GPHN: variants seen among roughly 807,000 people sequenced by gnomAD.
GPHN encodes the protein gephyrin.
A neutral mutation model predicts 95.5 loss-of-function variants in GPHN; 17 were observed. The observed-to-expected ratio is 0.18, with a 90% CI of 0.12 to 0.27. GPHN has a LOEUF of 0.27. Ranked by LOEUF, GPHN falls within the 10% of genes least tolerant of loss-of-function variation. GPHN has a pLI of 1.00. For synonymous variants in GPHN, 320 were observed against 322.5 expected, an observed-to-expected ratio of 0.99 and a Z score of 0.08; for missense variants, 660 against 978.1, an observed-to-expected ratio of 0.67 and a Z score of 4.34.
At chr14:66,975,756 G>T (rs1289018049) in intron 9 of GPHN, among the ~76,000 whole-genome samples, 1 of 152,050 alleles carries the variant, frequency 6.6e-6, no homozygotes, top group African/African-American at 2.4e-5. Context: ...ATGGTGGTAA[G>T]TGCCTATAGT....
intron 9 of GPHN, among the ~76,000 whole-genome samples, chr14:66,975,145 G>A (rs1443634359): frequency 1.3e-5 from 2 of 152,028 alleles, no homozygotes; most frequent in South Asian, 2.1e-4. Context: ...ATATTACTTG[G>A]ATTTTTGATA....
intron 10 of GPHN, among the ~76,000 whole-genome samples, chr14:67,056,964 A>G (rs1264146406): frequency 6.6e-6 from 1 of 152,142 alleles, no homozygotes; most frequent in Non-Finnish European, 1.5e-5. Context: ...CCTGGGGGCT[A>G]AGCCCCTCAC....
At chr14:67,493,559 C>T in the GPHN span, among the ~76,000 whole-genome samples, 1 of 152,188 alleles carries the variant, frequency 6.6e-6, no homozygotes, top group African/African-American at 2.4e-5. Flanking sequence ...TGCCTGAGTG[C>T]TGGTTTCACT....
At chr14:66,650,845 T>C (rs1267300468) in intron 1 of GPHN, among the ~76,000 whole-genome samples, 2 of 152,188 alleles carry the variant, frequency 1.3e-5, no homozygotes, top group Non-Finnish European at 2.9e-5. Flanking sequence ...TGACAGCTTT[T>C]TGGTTTCACT....
intron 1 of GPHN, among the ~76,000 whole-genome samples, chr14:66,581,888 T>C (rs753317920): frequency 6.6e-6 from 1 of 152,020 alleles, no homozygotes; most frequent in Non-Finnish European, 1.5e-5. Flanking sequence ...TACCTAAATA[T>C]ATAAAGTAAA....
At chr14:67,710,547 C>T in the GPHN span, among the ~76,000 whole-genome samples, 3 of 152,112 alleles carry the variant, frequency 2.0e-5, no homozygotes, top group Admixed American at 2.0e-4. Flanking sequence ...ATTTACCACA[C>T]AATATTCTTT....
the GPHN span, among the ~76,000 whole-genome samples, chr14:67,545,457 T>A: frequency 6.6e-6 from 1 of 152,138 alleles, no homozygotes; most frequent in African/African-American, 2.4e-5. Context: ...AACAGAGTAT[T>A]CATACCTCAA....
the GPHN span, among the ~76,000 whole-genome samples, chr14:67,261,769 T>G: frequency 9.0e-6 from 1 of 111,386 alleles, no homozygotes; most frequent in Non-Finnish European, 1.6e-5. Flanking sequence ...GTAAACTGAG[T>G]TTTTTTTAGG....
chr14:67,649,855 A>C, the GPHN span: 2 of 152,180 alleles, frequency 1.3e-5, no homozygotes, highest in African/African-American at 4.8e-5. Context: ...GCTTGTTCAG[A>C]TCACCCTTCA....
the GPHN span, among the ~76,000 whole-genome samples, chr14:67,559,443 A>G: frequency 6.6e-6 from 1 of 152,104 alleles, no homozygotes; most frequent in African/African-American, 2.4e-5. Flanking sequence ...GAGTTTTTAA[A>G]TTTTGTGTTA....
At chr14:67,629,444 C>G in the GPHN span, among the ~76,000 whole-genome samples, 33 of 152,312 alleles carry the variant, frequency 2.2e-4, no homozygotes, top group South Asian at 6.6e-3. Flanking sequence ...AGGACAAATA[C>G]AGCATGATTC....
chr14:67,692,847 C>G, the GPHN span: 1 of 1,075,214 alleles, frequency 9.3e-7, no homozygotes, highest in Admixed American at 2.0e-5. Flanking sequence ...AATTCCAAAA[C>G]TGGGAAGAAA....
chr14:66,646,788 T>C (rs1291383959), intron 1 of GPHN, among the ~76,000 whole-genome samples: 1 of 152,156 alleles, frequency 6.6e-6, no homozygotes, highest in Non-Finnish European at 1.5e-5. Context: ...CAAGATGGTG[T>C]TTGGTCACAC....
the GPHN span, among the ~76,000 whole-genome samples, chr14:67,488,107 C>T: frequency 7.9e-5 from 12 of 152,362 alleles, no homozygotes; most frequent in East Asian, 2.1e-3. Context: ...ACAGCCCAGC[C>T]ACTCAGAAGC....
the GPHN span, among the ~76,000 whole-genome samples, chr14:67,228,044 C>T: frequency 6.6e-6 from 1 of 151,766 alleles, no homozygotes; most frequent in African/African-American, 2.4e-5. Flanking sequence ...GTGGTGGGCA[C>T]CTGTAATCCT....
At chr14:66,525,239 AT>A (rs1448259452) in intron 1 of GPHN, among the ~76,000 whole-genome samples, 1 of 152,204 alleles carries the variant, frequency 6.6e-6, no homozygotes, top group Non-Finnish European at 1.5e-5. Flanking sequence ...CATTTCTGTA[AT>A]GACCAGTGAT....
chr14:67,329,757 C>T, the GPHN span, among the ~76,000 whole-genome samples: 2 of 151,998 alleles, frequency 1.3e-5, no homozygotes, highest in African/African-American at 4.8e-5. Context: ...TGGTGCACGC[C>T]TGTGGTACTG....
the GPHN span, chr14:67,350,727 C>A: frequency 1.3e-6 from 2 of 1,565,148 alleles, no homozygotes; most frequent in Non-Finnish European, 1.8e-6. Flanking sequence ...TTCAACCAAG[C>A]CTTTTACAAG....
At chr14:67,337,411 C>T in the GPHN span, 1 of 151,948 alleles carries the variant, frequency 6.6e-6, no homozygotes, top group African/African-American at 2.4e-5. Flanking sequence ...ACTCGGGAGA[C>T]TGAAGCAGGA....
Sources: gnomAD v4.1 joint callset for allele counts (sites outside exome capture counted in the v4.1 genomes callset) on GRCh38, gnomAD v4.1.1 for gene constraint, MANE v1.5 for transcripts, NCBI Gene and HGNC (gene_info 2026-07-23, HGNC 2026-07-21) for gene names.